Variants in TEX14 observed in about 807,000 individuals in gnomAD.
TEX14 encodes the protein inactive serine/threonine-protein kinase TEX14.
A neutral mutation model predicts 178.6 loss-of-function variants in TEX14; 168 were observed. That is an observed-to-expected ratio of 0.94 (90% CI 0.83 to 1.07). The LOEUF (loss-of-function observed/expected upper bound fraction) is 1.07. Ranked by LOEUF, TEX14 falls within the 50% of genes least tolerant of loss-of-function variation. The pLI, the probability that TEX14 is intolerant of heterozygous loss-of-function variation, is 0.00. For synonymous variants in TEX14, 626 were observed against 634.1 expected, an observed-to-expected ratio of 0.99 and a Z score of 0.19; for missense variants, 1,730 against 1,753.6, an observed-to-expected ratio of 0.99 and a Z score of 0.24.
intron 1 of TEX14, among the ~76,000 whole-genome samples, chr17:58,669,772 A>C (rs1247398663): frequency 6.7e-6 from 1 of 149,590 alleles, no homozygotes; most frequent in Non-Finnish European, 1.5e-5. Flanking sequence ...CAACAGCTTG[A>C]GACTTCATTG....
At chr17:58,648,852 T>G (rs1177250785) in intron 2 of TEX14, among the ~76,000 whole-genome samples, 1 of 143,178 alleles carries the variant, frequency 7.0e-6, no homozygotes, top group Non-Finnish European at 1.5e-5. Context: ...TGCAGTGGCG[T>G]GATCTCGGAT....
intron 15 of TEX14, among the ~76,000 whole-genome samples, chr17:58,589,246 G>A (rs2045060223): frequency 6.6e-6 from 1 of 151,062 alleles, no homozygotes; most frequent in South Asian, 2.1e-4. Context: ...CTGGGTGACA[G>A]AGCGAGACTC....
At chr17:58,564,796 A>G (rs2044362254) in intron 28 of TEX14, 73 bp downstream of exon 28, 4 of 884,854 alleles carry the variant, frequency 4.5e-6, no homozygotes, top group Non-Finnish European at 6.8e-6. Context: ...CTTATTTGTC[A>G]ATATTAGAAA....
chr17:58,665,646 A>G (rs749900407), intron 1 of TEX14, among the ~76,000 whole-genome samples: 7 of 152,056 alleles, frequency 4.6e-5, no homozygotes, highest in African/African-American at 9.7e-5. Flanking sequence ...TTACCTCACT[A>G]AAGTTCCTAA....
At chr17:58,559,811 A>G (rs947073210) in intron 29 of TEX14, among the ~76,000 whole-genome samples, 6 of 152,218 alleles carry the variant, frequency 3.9e-5, no homozygotes, top group East Asian at 1.9e-4. Flanking sequence ...ACCGAGGCAC[A>G]GAGAAGTTAA....
At chr17:58,658,458 C>T (rs965604640) in intron 1 of TEX14, among the ~76,000 whole-genome samples, 3 of 140,046 alleles carry the variant, frequency 2.1e-5, no homozygotes, top group Non-Finnish European at 4.5e-5. Context: ...GGTGTGATCT[C>T]GGCTCACTGC....
At chr17:58,660,477 G>A (rs17822837) in intron 1 of TEX14, 115,076 of 624,120 alleles carry the variant, frequency 0.18, 11,859 homozygotes, top group East Asian at 0.21. Flanking sequence ...CTTTGCCTTC[G>A]TTTTACACAG....
intron 3 of TEX14, among the ~76,000 whole-genome samples, chr17:58,623,601 C>A (rs2046054968): frequency 6.6e-6 from 1 of 152,136 alleles, no homozygotes; most frequent in African/African-American, 2.4e-5. Flanking sequence ...CATGAAGGGA[C>A]AGCCTTTAAT....
At position 58,556,865 on chromosome 17, in the gene TEX14, G is replaced by A; in HGVS notation, c.*146C>T. 4.5e-6 allele frequency: 3 copies of A among 666,600 alleles called. No individual in the cohort carries two copies. The highest frequency in any genetic ancestry group is 2.4e-5 in the Admixed American group (1 of 41,150). The allele number at this position is 666,600 out of a possible 1,614,324, so 41.3% of individuals were successfully genotyped here. On this transcript the variant is annotated 3_prime_UTR_variant, in exon 32 of 32. Coordinates refer to ENST00000349033, the MANE Select transcript of TEX14 (RefSeq NM_031272.5). The stretch of plus-strand genomic sequence containing the variant: ...CTGCTAACAGAGAGGGCCAAACGAT[G>A]ATGTCTATTGTGGCAGCTGAACAAA...
chr17:58,594,804 G>T (rs2045240906), intron 14 of TEX14, among the ~76,000 whole-genome samples: 1 of 151,756 alleles, frequency 6.6e-6, no homozygotes, highest in Non-Finnish European at 1.5e-5. Flanking sequence ...TAAAACAAAT[G>T]AAAGTCTGTG....
intron 11 of TEX14, among the ~76,000 whole-genome samples, chr17:58,604,584 A>G (rs1177649472): frequency 1.3e-5 from 2 of 151,352 alleles, no homozygotes; most frequent in African/African-American, 4.8e-5. Flanking sequence ...CTTTTGAGAC[A>G]GAGTCTCACT....
chr17:58,564,222 GAT>G (rs963412048), intron 28 of TEX14: 1 of 152,160 alleles, frequency 6.6e-6, no homozygotes, highest in African/African-American at 2.4e-5. Flanking sequence ...ATCTCAAAGA[GAT>G]ATCCGTACAC....
chr17:58,568,827 A>G (rs1240946833), intron 26 of TEX14, among the ~76,000 whole-genome samples: 1 of 152,230 alleles, frequency 6.6e-6, no homozygotes, highest in African/African-American at 2.4e-5. Context: ...TGGCCTGGGA[A>G]GCTAGACCTC....
intron 14 of TEX14, among the ~76,000 whole-genome samples, chr17:58,595,801 G>A (rs531221002): frequency 2.3e-4 from 35 of 152,366 alleles, no homozygotes; most frequent in Admixed American, 7.8e-4. Context: ...AGAATTGTGA[G>A]AAATAATAAA....
intron 29 of TEX14, among the ~76,000 whole-genome samples, chr17:58,559,992 C>A (rs564039229): frequency 6.6e-6 from 1 of 152,310 alleles, no homozygotes; most frequent in Non-Finnish European, 1.5e-5. Flanking sequence ...ATCTTATCTT[C>A]ATTTCCCGAA....
chr17:58,601,850 G>A lies in TEX14; in HGVS notation c.1634C>T (p.Pro545Leu), dbSNP rs1168702230. 3 of 1,613,142 alleles carry A rather than the reference G, an allele frequency of 1.9e-6. No homozygotes were observed. The highest frequency in any genetic ancestry group is 2.5e-6 in the Non-Finnish European group (3 of 1,179,948). ...NVYLGLTSEH[P>L]RETPDMEIIE... ...GATTTCCATGTCAGGTGTCTCTCTG[G>A]GGTGTTCTGAAGTCAGTCCTAGATA... Residue 545 changes from proline to leucine, a missense_variant, in exon 13 of 32, where the codon CCC becomes CTC. By Grantham distance (98) the Pro-to-Leu change is moderately conservative. This residue lies in a region of TEX14 where 941 missense variants were observed against 1,072.4 expected (regional missense o/e 0.88). Coordinates refer to ENST00000349033, the MANE Select transcript of TEX14 (RefSeq NM_031272.5).
At chr17:58,629,194 C>T (rs1702300268) in intron 3 of TEX14, among the ~76,000 whole-genome samples, 1 of 152,188 alleles carries the variant, frequency 6.6e-6, no homozygotes, top group African/African-American at 2.4e-5. Context: ...AGTACAGTGG[C>T]TCACACCTGT....
At chr17:58,613,305 A>G (rs1308660254) in intron 9 of TEX14, 116 bp downstream of exon 9, 1 of 1,304,728 alleles carries the variant, frequency 7.7e-7, no homozygotes, top group African/African-American at 1.5e-5. Flanking sequence ...GCAAAAGAAT[A>G]AAGATATTTA....
chr17:58,682,102 C>G (rs1367300676), intron 1 of TEX14, among the ~76,000 whole-genome samples: 1 of 151,948 alleles, frequency 6.6e-6, no homozygotes, highest in Non-Finnish European at 1.5e-5. Flanking sequence ...GCACACACTA[C>G]CATGTCTGGC....
Sources: allele counts gnomAD v4.1 joint callset (sites outside exome capture counted in the v4.1 genomes callset), GRCh38; gene constraint gnomAD v4.1.1; regional missense constraint gnomAD v4.1.1; transcripts MANE v1.5; gene names NCBI Gene and HGNC (gene_info 2026-07-23, HGNC 2026-07-21).